Variants in IGF1R observed in about 807,000 individuals in gnomAD.
The protein encoded by IGF1R is insulin like growth factor 1 receptor.
IGF1R carries 44 observed loss-of-function variants against 144.6 expected under a neutral mutation model. That is an observed-to-expected ratio of 0.30 (90% CI 0.24 to 0.39). IGF1R has a LOEUF of 0.39. Among genes scored for constraint, IGF1R ranks in the 10% least tolerant of loss-of-function variants. The pLI is 1.00. For synonymous variants in IGF1R, 795 were observed against 722.8 expected (o/e 1.10, Z -1.60); for missense variants, 1,355 against 1,833.7 (o/e 0.74, Z 4.77).
chr15:98,930,369 G>C (rs1442835630), intron 15 of IGF1R, 64 bp downstream of exon 15: 19 of 1,182,808 alleles, frequency 1.6e-5, no homozygotes, highest in South Asian at 8.7e-5. Context: ...CTTTCAGGAG[G>C]GTTGCTAATT....
Position 98,712,019 on chromosome 15 carries a change from C to G in IGF1R, c.640+3912C>G, listed in dbSNP as rs116394745. 5.7e-3 allele frequency among the ~76,000 whole-genome samples: 865 copies of G among 152,282 alleles called. 7 individuals carry two copies. Among genetic ancestry groups the G allele is most frequent in the African/African-American group, 0.02 (838 of 41,552 alleles). ...TAATCCCATTTGTGAGGGCTCCACC[C>G]TCATGGCCTAATCACCTCCCAGAGC... is the stretch of plus-strand genomic sequence containing the variant. On this transcript the variant is annotated intron_variant, in intron 2 of 20. Coordinates refer to ENST00000650285, the MANE Select transcript of IGF1R (RefSeq NM_000875.5).
chr15:98,865,080 A>G (rs2012356213), intron 2 of IGF1R, among the ~76,000 whole-genome samples: 1 of 152,238 alleles, frequency 6.6e-6, no homozygotes, highest in South Asian at 2.1e-4. Context: ...CAGATCACAC[A>G]TGCTTGCTGG....
chr15:98,960,625 A>G lies in IGF1R; in HGVS notation c.*3183A>G, dbSNP rs2017185725. 3.0e-5 allele frequency: 7 copies of G among 233,472 alleles called. No homozygotes were observed. Among genetic ancestry groups the G allele is most frequent in the Admixed American group, 2.8e-4 (5 of 17,808 alleles). The allele number at this position is 233,472 out of a possible 1,614,324, so 14.5% of individuals were successfully genotyped here. A position where few individuals can be genotyped will look rare whatever the true frequency, so the allele number is the denominator to read the frequency against. Reference sequence around the variant, plus strand: ...CCATCCCTGCAGGAGGCTCGCGCTGAGGCAGGACCGTGCGGCCATGGCTGC... The same window carrying G: ...CCATCCCTGCAGGAGGCTCGCGCTGGGGCAGGACCGTGCGGCCATGGCTGC... On this transcript the variant is annotated 3_prime_UTR_variant, in exon 21 of 21. Coordinates refer to ENST00000650285, the MANE Select transcript of IGF1R (RefSeq NM_000875.5).
intron 1 of IGF1R, among the ~76,000 whole-genome samples, chr15:98,682,298 A>G (rs1349612901): frequency 1.3e-5 from 2 of 152,064 alleles, no homozygotes; most frequent in Non-Finnish European, 2.9e-5. Context: ...TGTCCCTCTC[A>G]TGTTTGCTGA....
Position 98,957,496 on chromosome 15 carries a change from T to G in IGF1R, c.*54T>G. ...TAACGTGTGCGCACGCGCAGCGGGGTGGGGGGGGAGAGAGAGTTTTAACAA... is the reference window on the plus strand; with the variant it reads ...TAACGTGTGCGCACGCGCAGCGGGGGGGGGGGGGAGAGAGAGTTTTAACAA... On this transcript the variant is annotated 3_prime_UTR_variant, in exon 21 of 21. Coordinates refer to ENST00000650285, the MANE Select transcript of IGF1R (RefSeq NM_000875.5). The G allele has an allele frequency of 6.3e-7, 1 of 1,599,154 alleles. No individual in the cohort carries two copies. The highest frequency in any genetic ancestry group is 8.5e-7 in the Non-Finnish European group (1 of 1,170,588).
At chr15:98,881,702 C>T (rs981803849) in intron 2 of IGF1R, among the ~76,000 whole-genome samples, 8 of 152,194 alleles carry the variant, frequency 5.3e-5, no homozygotes, top group Non-Finnish European at 1.2e-4. Flanking sequence ...CTGCAATCAA[C>T]AGTCAGGAGG....
chr15:98,750,886 C>T (rs896289368), intron 2 of IGF1R, among the ~76,000 whole-genome samples: 3 of 152,072 alleles, frequency 2.0e-5, no homozygotes, highest in Non-Finnish European at 4.4e-5. Context: ...TACTCAGGCT[C>T]AGGTGATCCT....
rs1421415766 is a variant in IGF1R at position 98,961,003 on chromosome 15, G to C, written c.*3561G>C. The C allele has an allele frequency of 4.3e-6, 1 of 233,696 alleles. No homozygotes were observed. Among genetic ancestry groups the C allele is most frequent in the Non-Finnish European group, 8.5e-6 (1 of 118,122 alleles). The allele number at this position is 233,696 out of a possible 1,614,324, so 14.5% of individuals were successfully genotyped here. A position where few individuals can be genotyped will look rare whatever the true frequency, so the allele number is the denominator to read the frequency against. ...TCCAGCAGCTGCTCTTACAGGCACT[G>C]ATGATTTCGCTGGGAAGTGTGGCGG... On this transcript the variant is annotated 3_prime_UTR_variant, in exon 21 of 21. Transcript: ENST00000650285.
At chr15:98,699,767 C>T (rs1259274406) in intron 1 of IGF1R, among the ~76,000 whole-genome samples, 1 of 152,144 alleles carries the variant, frequency 6.6e-6, no homozygotes, top group Non-Finnish European at 1.5e-5. Context: ...TCAGGACTGC[C>T]CTTGATGTGT....
chr15:98,706,616 T>C (rs988628745), intron 1 of IGF1R, among the ~76,000 whole-genome samples: 2 of 151,824 alleles, frequency 1.3e-5, no homozygotes, highest in Admixed American at 6.6e-5. Flanking sequence ...CCTCATGGTG[T>C]GTATTAATAC....
intron 10 of IGF1R, among the ~76,000 whole-genome samples, chr15:98,917,121 C>T (rs1405168256): frequency 6.6e-6 from 1 of 152,162 alleles, no homozygotes; most frequent in Non-Finnish European, 1.5e-5. Context: ...GTACTGCTGT[C>T]TCAGCCACAA....
chr15:98,712,395 C>T (rs1279733445), intron 2 of IGF1R, among the ~76,000 whole-genome samples: 1 of 152,030 alleles, frequency 6.6e-6, no homozygotes, highest in Admixed American at 6.6e-5. Flanking sequence ...TTAAGTGGGC[C>T]ACACTTTTGT....
chr15:98,767,050 A>G (rs2055453427), intron 2 of IGF1R, among the ~76,000 whole-genome samples: 1 of 152,120 alleles, frequency 6.6e-6, no homozygotes, highest in Admixed American at 6.5e-5. Context: ...GCCCAGTGGT[A>G]CCTTCTGAAC....
chr15:98,817,408 C>T (rs1437533860), intron 2 of IGF1R, among the ~76,000 whole-genome samples: 1 of 151,920 alleles, frequency 6.6e-6, no homozygotes, highest in Non-Finnish European at 1.5e-5. Flanking sequence ...TGATGAGCAT[C>T]TAAGAAGAAA....
intron 2 of IGF1R, among the ~76,000 whole-genome samples, chr15:98,795,471 G>C (rs2056219962): frequency 6.6e-6 from 1 of 152,134 alleles, no homozygotes; most frequent in South Asian, 2.1e-4. Flanking sequence ...CTGGAGTGCA[G>C]TGGCATGATC....
rs1474445725 is a variant in IGF1R at position 98,891,148 on chromosome 15, G to T, written c.641-177G>T. 6.6e-6 allele frequency among the ~76,000 whole-genome samples: 1 copy of T among 152,204 alleles called. No individual in the cohort carries two copies. The highest frequency in any genetic ancestry group is 1.5e-5 in the Non-Finnish European group (1 of 68,036). ...ATATCGACTCTCTGCAGGTCTAAGTGGATGAAAGGACAGTGGTGGGGGTGA... is the reference window on the plus strand; with the variant it reads ...ATATCGACTCTCTGCAGGTCTAAGTTGATGAAAGGACAGTGGTGGGGGTGA... On this transcript the variant is annotated intron_variant, in intron 2 of 20. Coordinates refer to ENST00000650285, the MANE Select transcript of IGF1R (RefSeq NM_000875.5). This position sits in a 1 kb window ranked among gnomAD's most constrained non-coding sequence, Gnocchi z 4.7.
chr15:98,687,027 G>A (rs1319860), intron 1 of IGF1R, among the ~76,000 whole-genome samples: 10 of 152,112 alleles, frequency 6.6e-5, no homozygotes, highest in Admixed American at 2.0e-4. Flanking sequence ...GAGAGGAGAG[G>A]GAGCATGTGA....
At chr15:98,842,979 C>T (rs939374980) in intron 2 of IGF1R, among the ~76,000 whole-genome samples, 11 of 152,130 alleles carry the variant, frequency 7.2e-5, no homozygotes, top group African/African-American at 9.7e-5. Context: ...ATATGTGTAA[C>T]GTGGTGAATG....
rs544676354 is a variant in IGF1R at position 98,933,053 on chromosome 15, G to C, written c.2957-1771G>C. On this transcript the variant is annotated intron_variant, in intron 15 of 20. Transcript: ENST00000650285. Reference sequence around the variant, plus strand: ...TCTGAAAGCATGAAAGCAAAAACAGGCACCTTCTCCACCTCCTTTCTGAGC... The same window carrying C: ...TCTGAAAGCATGAAAGCAAAAACAGCCACCTTCTCCACCTCCTTTCTGAGC... Among the ~76,000 whole-genome samples the C allele has an allele frequency of 3.2e-4, 49 of 152,274 alleles. 1 individual carries two copies. The highest frequency in any genetic ancestry group is 2.2e-3 in the Admixed American group (34 of 15,294).
Sources: gnomAD v4.1 joint callset for allele counts (sites outside exome capture counted in the v4.1 genomes callset) on GRCh38, gnomAD v4.1.1 for gene constraint, Gnocchi (gnomAD v3.1) non-coding constraint, MANE v1.5 for transcripts, NCBI Gene and HGNC (gene_info 2026-07-23, HGNC 2026-07-21) for gene names.